ZNF655: variants seen among roughly 807,000 people sequenced by gnomAD.
ZNF655 encodes the protein Vav-interacting Kruppel-like protein 1.
In ZNF655, 3 loss-of-function variants were observed where a neutral mutation model predicts 6.6. The ratio of observed to expected loss-of-function variants is 0.46; its 90% CI spans 0.21 to 1.18. The LOEUF is 1.18. Ranked by LOEUF, ZNF655 falls within the 50% of genes most tolerant of loss-of-function variation. ZNF655 has a pLI of 0.24. For synonymous variants in ZNF655, 178 were observed against 195.0 expected, an observed-to-expected ratio of 0.91 and a Z score of 0.73; for missense variants, 526 against 572.3, an observed-to-expected ratio of 0.92 and a Z score of 0.83.
rs747594026 is a variant in ZNF655 at position 99,563,459 on chromosome 7, C to T, written c.136+2764C>T. On this transcript the variant is annotated intron_variant, in intron 2 of 2. Transcript: ENST00000252713. ...TCAGCCTCCCAAGTAGCTGGGATTA[C>T]AGGCATGGGCCACCACGCCCGCCTA... is the stretch of plus-strand genomic sequence containing the variant. Among the ~76,000 whole-genome samples the T allele has an allele frequency of 3.2e-4, 49 of 152,118 alleles. 1 individual carries two copies. The highest frequency in any genetic ancestry group is 4.0e-4 in the Non-Finnish European group (27 of 67,994).
At chr7:99,567,017 C>T (rs1803686937) in intron 2 of ZNF655, among the ~76,000 whole-genome samples, 1 of 151,888 alleles carries the variant, frequency 6.6e-6, no homozygotes, top group South Asian at 2.1e-4. Flanking sequence ...CCTCTCAGGC[C>T]CAAGCCATTC....
rs979768659 is a variant in ZNF655 at position 99,572,510 on chromosome 7, C to T, written c.402C>T (p.Pro134=). 9 of 1,613,720 alleles carry T rather than the reference C, an allele frequency of 5.6e-6. No individual in the cohort carries two copies. The highest frequency in any genetic ancestry group is 2.7e-5 in the African/African-American group (2 of 74,860). Residue 134 remains proline (P), a synonymous_variant, in exon 3 of 3, where the codon CCC becomes CCT. Coordinates refer to ENST00000252713, the MANE Select transcript of ZNF655 (RefSeq NM_138494.3). ...AGAAGAACAATGAATGTCATGAACC[C>T]GAAAAAAGCTTCAGTCTGGACTCTA... ...TSEKNNECHE[P]EKSFSLDSTI...
intron 2 of ZNF655, chr7:99,571,823 A>T: frequency 6.8e-7 from 1 of 1,472,892 alleles, no homozygotes; most frequent in Non-Finnish European, 9.3e-7. Flanking sequence ...TAGAATTAGT[A>T]GGGAAGTAAA....
At position 99,571,414 on chromosome 7, in the gene ZNF655, G is replaced by A. The variant is rs73713518; in HGVS notation, c.137-831G>A. 833 of 1,232,558 alleles carry A rather than the reference G, an allele frequency of 6.8e-4. 6 individuals carry two copies. The African/African-American group carries it at 0.012, about 17-fold the overall frequency. The allele number at this position is 1,232,558 out of a possible 1,614,324, so 76.4% of individuals were successfully genotyped here. A position where few individuals can be genotyped will look rare whatever the true frequency, so the allele number is the denominator to read the frequency against. ...GGAGAGTGATAATGATAACTTCTGT[G>A]AAGACAAACCCATGCACACATTCTG... On this transcript the variant is annotated intron_variant, in intron 2 of 2. Coordinates refer to ENST00000252713, the MANE Select transcript of ZNF655 (RefSeq NM_138494.3).
intron 2 of ZNF655, chr7:99,571,607 T>G (rs1456301669): frequency 8.7e-7 from 1 of 1,153,206 alleles, no homozygotes; most frequent in Non-Finnish European, 1.2e-6. Context: ...CTGTCTCTCT[T>G]AATCATTAGT....
At position 99,572,856 on chromosome 7, in the gene ZNF655, A is replaced by C. The variant is rs1804185738; in HGVS notation, c.748A>C (p.Ser250Arg). ...YKCKECEKSFSQSSSLSRHKR... is the reference protein window; with the variant it reads ...YKCKECEKSFRQSSSLSRHKR... The stretch of plus-strand genomic sequence containing the variant: ...ATGTAAAGAATGTGAAAAGTCTTTC[A>C]GTCAGAGCTCAAGTCTTAGTCGACA... Residue 250 changes from serine to arginine, a missense_variant, in exon 3 of 3, where the codon AGT becomes CGT. Physicochemically the swap from Ser to Arg is moderately radical, Grantham distance 110. Transcript: ENST00000252713. 2.5e-6 allele frequency: 4 copies of C among 1,614,154 alleles called. No individual in the cohort carries two copies. The East Asian group carries it at 8.9e-5, about 36-fold the overall frequency.
At chr7:99,563,895 C>T in intron 2 of ZNF655, 1 of 1,613,078 alleles carries the variant, frequency 6.2e-7, no homozygotes, top group Non-Finnish European at 8.5e-7. Flanking sequence ...CACCCGGATT[C>T]ATAGTGTGAA....
rs1804372525 is a variant in ZNF655 at position 99,576,022 on chromosome 7, T to C, written c.*2438T>C. 6.6e-6 allele frequency: 1 copy of C among 152,206 alleles called. No individual in the cohort carries two copies. Among genetic ancestry groups the C allele is most frequent in the South Asian group, 2.1e-4 (1 of 4,838 alleles). The allele number at this position is 152,206 out of a possible 1,614,324, so 9.4% of individuals were successfully genotyped here. On this transcript the variant is annotated 3_prime_UTR_variant, in exon 3 of 3. Coordinates refer to ENST00000252713, the MANE Select transcript of ZNF655 (RefSeq NM_138494.3). ...GACAAATGTTATTTAAAATTCTTGT[T>C]GTCAGTCCAGCAATTGAGGCTTTCA...
intron 2 of ZNF655, 97 bp from the exon 3 acceptor site, chr7:99,572,148 G>T: frequency 6.1e-6 from 8 of 1,318,822 alleles, no homozygotes; most frequent in Non-Finnish European, 8.2e-6. Context: ...TCTTGTCCTT[G>T]TAGATACTAC....
rs756964418 is a variant in ZNF655, at chr7:99,574,058, A to G, written c.*474A>G. 5.8e-5 allele frequency: 9 copies of G among 156,416 alleles called. No individual in the cohort carries two copies. Among genetic ancestry groups the G allele is most frequent in the Non-Finnish European group, 9.9e-5 (7 of 70,518 alleles). 9.7% of individuals were successfully genotyped at this position (156,416 alleles called of 1,614,324 possible). On this transcript the variant is annotated 3_prime_UTR_variant, in exon 3 of 3. Coordinates refer to ENST00000252713, the MANE Select transcript of ZNF655 (RefSeq NM_138494.3). ...AGTCATAACCCAACGCTCATTCAACATCAAAGAATTTATACCTAAGAGAAC... is the reference window on the plus strand; with the variant it reads ...AGTCATAACCCAACGCTCATTCAACGTCAAAGAATTTATACCTAAGAGAAC...
At chr7:99,562,324 A>C (rs768915593) in intron 2 of ZNF655, 1 of 1,610,388 alleles carries the variant, frequency 6.2e-7, no homozygotes, top group Non-Finnish European at 8.5e-7. Flanking sequence ...CCATGGTGCT[A>C]CAGTGTTCTC....
chr7:99,563,121 A>G, intron 2 of ZNF655: 1 of 441,398 alleles, frequency 2.3e-6, no homozygotes, highest in Non-Finnish European at 4.6e-6. Flanking sequence ...CAGAAATCTC[A>G]GATGTTTACC....
intron 2 of ZNF655, chr7:99,562,156 A>G: frequency 2.6e-6 from 2 of 761,948 alleles, no homozygotes; most frequent in East Asian, 2.9e-5. Flanking sequence ...CCCCAGTGCC[A>G]TGAGCAAACT....
intron 2 of ZNF655, 178 bp downstream of exon 2, chr7:99,560,873 T>C: frequency 1.7e-6 from 1 of 595,320 alleles, no homozygotes; most frequent in Non-Finnish European, 2.7e-6. Context: ...GCCCCTTTAT[T>C]AAGGATAGCT....
intron 2 of ZNF655, chr7:99,570,350 G>A (rs952896877): frequency 1.3e-5 from 2 of 152,180 alleles, no homozygotes; most frequent in Non-Finnish European, 2.9e-5. Context: ...TCCACAAGGA[G>A]AGTTGACTCT....
At chr7:99,559,918 G>C (rs1057359042) in intron 1 of ZNF655, among the ~76,000 whole-genome samples, 1 of 150,852 alleles carries the variant, frequency 6.6e-6, no homozygotes, top group Non-Finnish European at 1.5e-5. Flanking sequence ...TTGAGCCACC[G>C]CACGTGGCCA....
chr7:99,562,483 T>C, intron 2 of ZNF655: 2 of 1,612,520 alleles, frequency 1.2e-6, no homozygotes, highest in Non-Finnish European at 1.7e-6. Flanking sequence ...TATGGGAACG[T>C]GGTCTCACTG....
Position 99,562,731 on chromosome 7 carries a change from G to A in ZNF655, c.136+2036G>A, listed in dbSNP as rs141913871. Among the ~76,000 whole-genome samples the A allele has an allele frequency of 6.2e-3, 946 of 152,138 alleles. 12 individuals are homozygous for A. The highest frequency in any genetic ancestry group is 0.022 in the African/African-American group (895 of 41,492). ...CCCAGTTCATGTTTATGGCCATTGTGGGGCATCTTTTCCCTTTTAGCAAAG... is the reference window on the plus strand; with the variant it reads ...CCCAGTTCATGTTTATGGCCATTGTAGGGCATCTTTTCCCTTTTAGCAAAG... On this transcript the variant is annotated intron_variant, in intron 2 of 2. Coordinates refer to ENST00000252713, the MANE Select transcript of ZNF655 (RefSeq NM_138494.3).
chr7:99,573,606 A>G lies in ZNF655; in HGVS notation c.*22A>G. On this transcript the variant is annotated 3_prime_UTR_variant, in exon 3 of 3. Transcript: ENST00000252713. ...ATGAATGTAATGAAGATGGGAAGAT[A>G]TTTATCAAATTCAGGCTTCATTCAG... 1.9e-6 allele frequency: 3 copies of G among 1,581,382 alleles called. No individual in the cohort carries two copies. Among genetic ancestry groups the G allele is most frequent in the Non-Finnish European group, 2.6e-6 (3 of 1,170,134 alleles).
Sources: gnomAD v4.1 joint callset for allele counts (sites outside exome capture counted in the v4.1 genomes callset) on GRCh38, gnomAD v4.1.1 for gene constraint, MANE v1.5 for transcripts, NCBI Gene and HGNC (gene_info 2026-07-23, HGNC 2026-07-21) for gene names.